Variants in ACSL4 observed in about 807,000 individuals in gnomAD.
The protein encoded by ACSL4 is acyl-CoA synthetase long chain family member 4, also known as long-chain-fatty-acid--CoA ligase 4.
A neutral mutation model predicts 49.1 loss-of-function variants in ACSL4; 9 were observed. The ratio of observed to expected loss-of-function variants is 0.18; its 90% CI spans 0.11 to 0.32. The LOEUF is 0.32. Among genes scored for constraint, ACSL4 ranks in the 10% least tolerant of loss-of-function variants. The pLI is 1.00. For missense variants in ACSL4, 333 were observed against 493.7 expected (o/e 0.67, Z 3.08); for synonymous variants, 191 against 170.3 (o/e 1.12, Z -0.95).
In ACSL4 at chrX:109,661,548, G is replaced by A. The variant is rs1325789451; in HGVS notation, c.1680C>T (p.Ile560=). 1 of 1,207,404 alleles carries A rather than the reference G, an allele frequency of 8.3e-7. No homozygotes were observed. Among genetic ancestry groups the A allele is most frequent in the Admixed American group, 2.2e-5 (1 of 45,883 alleles). The change falls in exon 14 of 16, where the codon ATC becomes ATT. Residue 560 remains isoleucine, a synonymous_variant. Transcript: ENST00000672401. Reference sequence around the variant, plus strand: ...AAAGTTACCTTTTGGCAAAAGCACAGATGTTGTCAATAAGTGGACAATTCT... The same window carrying A: ...AAAGTTACCTTTTGGCAAAAGCACAAATGTTGTCAATAAGTGGACAATTCT... ...ALKNCPLIDN[I]CAFAKSDQSY...
rs763459037 is a variant in ACSL4, at chrX:109,645,311, G to A, written c.1856-1125C>T. 5.5e-4 allele frequency among the ~76,000 whole-genome samples: 62 copies of A among 112,217 alleles called. 1 individual carries two copies. The South Asian group carries it at 0.016, about 28-fold the overall frequency. ...AAGAGATCAGTGGTTCTCCCAGCACGCAGCTGGAGATCTGAGAATGGGCAG... is the reference window on the plus strand; with the variant it reads ...AAGAGATCAGTGGTTCTCCCAGCACACAGCTGGAGATCTGAGAATGGGCAG... On this transcript the variant is annotated intron_variant, in intron 15 of 15. Transcript: ENST00000672401.
At chrX:109,659,765 G>A (rs1412422141) in intron 14 of ACSL4, among the ~76,000 whole-genome samples, 1 of 110,864 alleles carries the variant, frequency 9.0e-6, no homozygotes, top group African/African-American at 3.3e-5. Context: ...ACCACTCAAT[G>A]AGGAAAGGAC....
intron 15 of ACSL4, among the ~76,000 whole-genome samples, chrX:109,646,327 C>T (rs1392204351): frequency 8.9e-5 from 10 of 111,978 alleles, no homozygotes; most frequent in African/African-American, 2.3e-4. Flanking sequence ...GATCTCTCGG[C>T]AGAAACTCTA....
intron 15 of ACSL4, among the ~76,000 whole-genome samples, chrX:109,647,003 G>C (rs951090586): frequency 2.2e-4 from 24 of 111,431 alleles, no homozygotes; most frequent in Non-Finnish European, 3.8e-4. Context: ...CCTAATACAG[G>C]AGCACCTAGA....
At chrX:109,652,244 A>G (rs1921208396) in intron 15 of ACSL4, among the ~76,000 whole-genome samples, 2 of 112,081 alleles carry the variant, frequency 1.8e-5, no homozygotes, top group Non-Finnish European at 3.8e-5. Flanking sequence ...ACTTTTTTGC[A>G]TAAGTCTCTG....
At chrX:109,699,690 G>C (rs1925724914) in intron 1 of ACSL4, among the ~76,000 whole-genome samples, 1 of 111,542 alleles carries the variant, frequency 9.0e-6, no homozygotes, top group African/African-American at 3.3e-5. Flanking sequence ...TGGGTGGTAG[G>C]ATTAGAGGTG....
chrX:109,729,250 T>TA (rs750609370), intron 1 of ACSL4, among the ~76,000 whole-genome samples: 8 of 107,078 alleles, frequency 7.5e-5, no homozygotes, highest in South Asian at 4.0e-4. Context: ...CTCACCAGGT[T>TA]AAAAAAAAAA....
At position 109,641,813 on chromosome X, in the gene ACSL4, T is replaced by C. The variant is rs1190796627; in HGVS notation, c.*2216A>G. On this transcript the variant is annotated 3_prime_UTR_variant, in exon 16 of 16. Coordinates refer to ENST00000672401, the MANE Select transcript of ACSL4 (RefSeq NM_001318510.2). ...AGTGTTTGACTTAGAAATGTACATA[T>C]TGTAGTAAATTTTTAAAGTACAACT... 8.9e-6 allele frequency: 1 copy of C among 112,671 alleles called. No homozygotes were observed. The highest frequency in any genetic ancestry group is 2.8e-4 in the East Asian group (1 of 3,634). 9.3% of individuals were successfully genotyped at this position (112,671 alleles called of 1,213,427 possible).
chrX:109,732,125 C>T (rs942930305), intron 1 of ACSL4, among the ~76,000 whole-genome samples: 3 of 112,225 alleles, frequency 2.7e-5, no homozygotes, highest in African/African-American at 9.7e-5. Flanking sequence ...GAAACTGAAG[C>T]GCTGATGAGA....
intron 6 of ACSL4, among the ~76,000 whole-genome samples, chrX:109,679,164 C>A (rs1158954106): frequency 8.9e-6 from 1 of 112,157 alleles, no homozygotes; most frequent in Non-Finnish European, 1.9e-5. Flanking sequence ...CAAAGCTCCA[C>A]AAGTGATTCT....
At chrX:109,660,657 A>G (rs953502787) in intron 14 of ACSL4, among the ~76,000 whole-genome samples, 2 of 111,884 alleles carry the variant, frequency 1.8e-5, no homozygotes, top group African/African-American at 6.5e-5. Context: ...ATTATTCACA[A>G]CAACCAAGAG....
rs764504996 is a variant in ACSL4, at chrX:109,686,946, A to G, written c.-12-3571T>C. 3.6e-5 allele frequency among the ~76,000 whole-genome samples: 4 copies of G among 112,012 alleles called. No individual in the cohort carries two copies. The East Asian group carries it at 1.1e-3, about 31-fold the overall frequency. ...TAAAATCTTATATAGATATAAAAAC[A>G]CAAGCGTAGATGAAAGCAAAAAGCA... is the stretch of plus-strand genomic sequence containing the variant. On this transcript the variant is annotated intron_variant, in intron 2 of 15. Transcript: ENST00000672401.
intron 1 of ACSL4, among the ~76,000 whole-genome samples, chrX:109,709,495 T>C (rs1015846365): frequency 8.9e-6 from 1 of 112,604 alleles, no homozygotes; most frequent in Non-Finnish European, 1.9e-5. Flanking sequence ...AAAGTTTTTC[T>C]TTCGAAATGT....
At chrX:109,723,712 T>A (rs183871705) in intron 1 of ACSL4, among the ~76,000 whole-genome samples, 38 of 112,703 alleles carry the variant, frequency 3.4e-4, no homozygotes, top group African/African-American at 1.2e-3. Context: ...CATAGTTTTA[T>A]ACACATGTAA....
intron 2 of ACSL4, among the ~76,000 whole-genome samples, chrX:109,690,763 G>A (rs767604289): frequency 3.0e-5 from 3 of 101,628 alleles, no homozygotes; most frequent in South Asian, 5.5e-4. Context: ...ATTTTAGGGG[G>A]GGGGGGCCTC....
intron 2 of ACSL4, among the ~76,000 whole-genome samples, chrX:109,684,546 G>A (rs1223733626): frequency 1.8e-5 from 2 of 112,304 alleles, no homozygotes; most frequent in African/African-American, 6.5e-5. Context: ...CCAGAGTCCT[G>A]CCCCAGAATT....
rs143874572 is a variant in ACSL4 at position 109,691,521 on chromosome X, C to T, written c.-13+4623G>A. ...TTCTTTCATACACTATTAAAAACTT[C>T]CAAATGATTGTAAAACATACCAGAG... is the stretch of plus-strand genomic sequence containing the variant. On this transcript the variant is annotated intron_variant, in intron 2 of 15. Coordinates refer to ENST00000672401, the MANE Select transcript of ACSL4 (RefSeq NM_001318510.2). Among the ~76,000 whole-genome samples the T allele has an allele frequency of 5.9e-3, 662 of 112,046 alleles. 6 individuals carry two copies. The highest frequency in any genetic ancestry group is 0.021 in the African/African-American group (634 of 30,886).
At chrX:109,694,039 T>G (rs1194312967) in intron 2 of ACSL4, among the ~76,000 whole-genome samples, 2 of 111,694 alleles carry the variant, frequency 1.8e-5, no homozygotes, top group Non-Finnish European at 3.8e-5. Context: ...CAAAAGGAAA[T>G]AATAATTTTG....
chrX:109,724,275 GTTTT>G (rs756112621), intron 1 of ACSL4, among the ~76,000 whole-genome samples: 1 of 110,301 alleles, frequency 9.1e-6, no homozygotes, highest in Non-Finnish European at 1.9e-5. Flanking sequence ...GGGCTTTTTT[GTTTT>G]TTTGTTTGTT....
Sources: gnomAD v4.1 joint callset for allele counts (sites outside exome capture counted in the v4.1 genomes callset) on GRCh38, gnomAD v4.1.1 for gene constraint, MANE v1.5 for transcripts, NCBI Gene and HGNC (gene_info 2026-07-23, HGNC 2026-07-21) for gene names.